MAP7: variants seen among roughly 807,000 people sequenced by gnomAD.
MAP7 encodes ensconsin.
MAP7 carries 52 observed loss-of-function variants against 94.8 expected under a neutral mutation model. That is an observed-to-expected ratio of 0.55 (90% CI 0.44 to 0.69). MAP7 has a LOEUF of 0.69. Among genes scored for constraint, MAP7 ranks in the 30% least tolerant of loss-of-function variants. The pLI is 0.00. For missense variants in MAP7, 940 were observed against 964.6 expected (o/e 0.97, Z 0.34); for synonymous variants, 350 against 357.0 (o/e 0.98, Z 0.22).
intron 1 of MAP7, among the ~76,000 whole-genome samples, chr6:136,440,942 G>A (rs1226230230): frequency 6.6e-6 from 1 of 151,924 alleles, no homozygotes; most frequent in Non-Finnish European, 1.5e-5. Context: ...ACAAGATCAT[G>A]CGGCACCTCT....
intron 3 of MAP7, among the ~76,000 whole-genome samples, chr6:136,410,852 T>C (rs964053953): frequency 1.3e-5 from 2 of 152,226 alleles, no homozygotes; most frequent in South Asian, 2.1e-4. Flanking sequence ...TGGGAAAATT[T>C]TGATACCCTG....
chr6:136,534,558 G>A (rs989637457), intron 1 of MAP7, among the ~76,000 whole-genome samples: 5 of 152,182 alleles, frequency 3.3e-5, no homozygotes, highest in Non-Finnish European at 7.3e-5. Flanking sequence ...TGCTGCGAAC[G>A]AAAGCATGCC....
At chr6:136,513,194 C>G (rs1823774270) in intron 1 of MAP7, among the ~76,000 whole-genome samples, 1 of 152,196 alleles carries the variant, frequency 6.6e-6, no homozygotes, top group Non-Finnish European at 1.5e-5. Flanking sequence ...TCCATGAACT[C>G]TTCCTTTCAT....
intron 1 of MAP7, among the ~76,000 whole-genome samples, chr6:136,548,856 G>A (rs1161369711): frequency 1.3e-5 from 2 of 152,230 alleles, no homozygotes; most frequent in South Asian, 2.1e-4. Flanking sequence ...ATTTACAAAT[G>A]AGGATGCTCC....
At chr6:136,512,762 G>A (rs1187906278) in intron 1 of MAP7, among the ~76,000 whole-genome samples, 1 of 152,006 alleles carries the variant, frequency 6.6e-6, no homozygotes, top group East Asian at 1.9e-4. Flanking sequence ...GGAGGGTCTT[G>A]CTTCCATGTT....
At chr6:136,377,620 A>T in intron 7 of MAP7, 135 bp downstream of exon 7, 2 of 646,614 alleles carry the variant, frequency 3.1e-6, no homozygotes, top group Non-Finnish European at 5.5e-6. Context: ...CAGGGGTATG[A>T]AACCAACACC....
At position 136,372,387 on chromosome 6, in the gene MAP7, G is replaced by A. The variant is rs990848023; in HGVS notation, c.876+114C>T. The stretch of plus-strand genomic sequence containing the variant: ...TGATCAATGGGAAAGATGGGATGGT[G>A]GATGTCACGGTCTCCCCCTCTTACG... On this transcript the variant is annotated intron_variant, in intron 8 of 17. Coordinates refer to ENST00000354570, the MANE Select transcript of MAP7 (RefSeq NM_003980.6). 47 of 1,198,320 alleles carry A rather than the reference G, an allele frequency of 3.9e-5. No homozygotes were observed. The Middle Eastern group carries it at 1.4e-3, about 37-fold the overall frequency. The allele number at this position is 1,198,320 out of a possible 1,614,324, so 74.2% of individuals were successfully genotyped here.
chr6:136,377,766 G>A lies in MAP7; in HGVS notation c.740C>T (p.Ser247Phe). ...CTGGACAGTTTTACCTGCTTCTCCA[G>A]ACAAGGCAGCTGTGCTTTTACTTCT... ...LARSKSTAAL[S>F]GEAASCSPII... Residue 247 changes from serine to phenylalanine, a missense_variant, in exon 7 of 18, where the codon TCT (serine) becomes TTT (phenylalanine). Coordinates refer to ENST00000354570, the MANE Select transcript of MAP7 (RefSeq NM_003980.6). 1 of 1,613,882 alleles carries A rather than the reference G, an allele frequency of 6.2e-7. No individual in the cohort carries two copies. Among genetic ancestry groups the A allele is most frequent in the East Asian group, 2.2e-5 (1 of 44,868 alleles).
chr6:136,480,794 CT>C (rs925576408), intron 1 of MAP7, among the ~76,000 whole-genome samples: 2 of 151,798 alleles, frequency 1.3e-5, no homozygotes, highest in African/African-American at 4.8e-5. Flanking sequence ...TGTTAAAAAG[CT>C]TTTCACAGGA....
In MAP7 at chr6:136,362,448, A is replaced by C. The variant is rs1582673900; in HGVS notation, c.1526+2T>G. 1 of 1,613,494 alleles carries C rather than the reference A, an allele frequency of 6.2e-7. No individual in the cohort carries two copies. Among genetic ancestry groups the C allele is most frequent in the Non-Finnish European group, 8.5e-7 (1 of 1,179,854 alleles). ...TGGTGTGGAGCAATGTCTCCCATTT[A>C]CCTTTCAAGCTCTTCCTGCTCCCTC... On this transcript the variant is annotated splice_donor_variant, in intron 11 of 17. Coordinates refer to ENST00000354570, the MANE Select transcript of MAP7 (RefSeq NM_003980.6). LOFTEE classifies it high-confidence loss of function.
At chr6:136,356,942 C>T in intron 15 of MAP7, 148 bp from the exon 16 acceptor site, 1 of 615,430 alleles carries the variant, frequency 1.6e-6, no homozygotes, top group Non-Finnish European at 2.9e-6. Flanking sequence ...ACTCTCTGTG[C>T]CTTAGTTTCC....
intron 1 of MAP7, among the ~76,000 whole-genome samples, chr6:136,491,419 G>C (rs1004966876): frequency 1.3e-5 from 2 of 152,174 alleles, no homozygotes; most frequent in Admixed American, 1.3e-4. Context: ...AGCTGTTTAT[G>C]ACTAGTGACC....
chr6:136,410,133 G>A (rs1169844913), intron 3 of MAP7, among the ~76,000 whole-genome samples: 1 of 152,122 alleles, frequency 6.6e-6, no homozygotes, highest in Non-Finnish European at 1.5e-5. Flanking sequence ...AGTTAAGTAT[G>A]GAAAAGCTAA....
At chr6:136,452,447 A>G (rs767716634) in intron 1 of MAP7, among the ~76,000 whole-genome samples, 5 of 152,226 alleles carry the variant, frequency 3.3e-5, no homozygotes, top group Admixed American at 6.5e-5. Context: ...TGCTGCAGAG[A>G]AATGAAAGGA....
intron 1 of MAP7, among the ~76,000 whole-genome samples, chr6:136,474,928 C>T (rs1810377517): frequency 6.6e-6 from 1 of 152,070 alleles, no homozygotes; most frequent in Admixed American, 6.6e-5. Context: ...GTTGCCCAGG[C>T]TGGTCTTGAA....
chr6:136,446,297 G>A (rs1799328803), intron 1 of MAP7, among the ~76,000 whole-genome samples: 1 of 151,678 alleles, frequency 6.6e-6, no homozygotes. Flanking sequence ...ATCATCATCA[G>A]AGGTGGATAG....
intron 1 of MAP7, among the ~76,000 whole-genome samples, chr6:136,488,863 A>G (rs1815616978): frequency 6.6e-6 from 1 of 152,150 alleles, no homozygotes; most frequent in Non-Finnish European, 1.5e-5. Context: ...TCAATCCCCA[A>G]ACAGACAATG....
At position 136,375,259 on chromosome 6, in the gene MAP7, T is replaced by C. The variant is rs144295538; in HGVS notation, c.751+2496A>G. ...ATATACATTATTTAATCCTGAGCTC[T>C]AATAATCACTTGTATTTTGAATGTC... is the stretch of plus-strand genomic sequence containing the variant. On this transcript the variant is annotated intron_variant, in intron 7 of 17. Transcript: ENST00000354570. Among the ~76,000 whole-genome samples, 730 of 152,338 alleles carry C rather than the reference T, an allele frequency of 4.8e-3. 9 individuals carry two copies. Among genetic ancestry groups the C allele is most frequent in the African/African-American group, 0.017 (703 of 41,584 alleles).
intron 1 of MAP7, among the ~76,000 whole-genome samples, chr6:136,493,121 C>CTTTTTTTTTTTTTTT (rs397795796): frequency 2.4e-5 from 3 of 123,342 alleles, no homozygotes; most frequent in African/African-American, 6.5e-5. Flanking sequence ...TTCTTCTTTC[C>CTTTTTTTTTTTTTTT]TTTTTTTTTT....
Sources: allele counts gnomAD v4.1 joint callset (sites outside exome capture counted in the v4.1 genomes callset), GRCh38; gene constraint gnomAD v4.1.1; transcripts MANE v1.5; gene names NCBI Gene and HGNC (gene_info 2026-07-23, HGNC 2026-07-21).